WWOX: variants seen among roughly 807,000 people sequenced by gnomAD.
WWOX encodes the protein WW domain containing oxidoreductase.
Under a neutral mutation model 46.2 loss-of-function variants are expected in WWOX, and 69 were observed. The observed-to-expected ratio is 1.49, with a 90% CI of 1.23 to 1.82. WWOX has a LOEUF of 1.82. WWOX is among the 40% of genes most tolerant of loss of function. WWOX has a pLI of 0.00. For synonymous variants in WWOX, 359 were observed against 202.6 expected, an observed-to-expected ratio of 1.77 and a Z score of -6.56; for missense variants, 919 against 542.6, an observed-to-expected ratio of 1.69 and a Z score of -6.89.
chr16:78,442,325 A>G (rs191941485), intron 8 of WWOX, among the ~76,000 whole-genome samples: 299 of 152,130 alleles, frequency 2.0e-3, no homozygotes, highest in African/African-American at 6.7e-3. Flanking sequence ...ATAATACGTT[A>G]TTATTATTAC....
intron 8 of WWOX, among the ~76,000 whole-genome samples, chr16:78,758,218 A>G (rs1411890172): frequency 2.0e-5 from 3 of 152,222 alleles, no homozygotes; most frequent in Non-Finnish European, 4.4e-5. Context: ...AAACCTATAT[A>G]CAAAGAAAAT....
At chr16:79,141,071 G>A (rs1390744419) in intron 8 of WWOX, among the ~76,000 whole-genome samples, 1 of 152,184 alleles carries the variant, frequency 6.6e-6, no homozygotes, top group Non-Finnish European at 1.5e-5. Flanking sequence ...GTCAAGCTGG[G>A]AACTGCTTAG....
At chr16:79,001,577 T>G (rs528730785) in intron 8 of WWOX, among the ~76,000 whole-genome samples, 15 of 152,200 alleles carry the variant, frequency 9.9e-5, no homozygotes, top group African/African-American at 3.6e-4. Context: ...TTTAAACAAG[T>G]TTTGCCCCTT....
Position 79,158,896 on chromosome 16 carries a change from G to A in WWOX, c.1057-52712G>A, listed in dbSNP as rs576588179. On this transcript the variant is annotated intron_variant, in intron 8 of 8. Coordinates refer to ENST00000566780, the MANE Select transcript of WWOX (RefSeq NM_016373.4). ...AAGGACCTAGGTCATTTTCACTGCT[G>A]TAGTCCCAGTTCCTACAACAGTGCC... is the stretch of plus-strand genomic sequence containing the variant. Among the ~76,000 whole-genome samples, 8 of 152,298 alleles carry A rather than the reference G, an allele frequency of 5.3e-5. No individual in the cohort carries two copies. In the South Asian group the frequency reaches 8.3e-4, roughly 16 times the overall value.
chr16:78,466,250 C>G (rs182990997), intron 8 of WWOX, among the ~76,000 whole-genome samples: 21 of 152,174 alleles, frequency 1.4e-4, no homozygotes, highest in African/African-American at 5.1e-4. Context: ...CCAGGATGGT[C>G]TCGATCTCCT....
intron 5 of WWOX, among the ~76,000 whole-genome samples, chr16:78,204,699 C>T (rs765725812): frequency 1.3e-5 from 2 of 152,242 alleles, no homozygotes; most frequent in South Asian, 4.1e-4. Flanking sequence ...CATGGGACTG[C>T]ACAATCGGAG....
chr16:78,137,042 C>T (rs1445694117), intron 4 of WWOX, among the ~76,000 whole-genome samples: 1 of 152,116 alleles, frequency 6.6e-6, no homozygotes, highest in Non-Finnish European at 1.5e-5. Context: ...CATTCACATA[C>T]CATTCACAAC....
At chr16:79,087,001 G>A (rs2048865638) in intron 8 of WWOX, among the ~76,000 whole-genome samples, 1 of 152,222 alleles carries the variant, frequency 6.6e-6, no homozygotes, top group Non-Finnish European at 1.5e-5. Context: ...GAGAGAGGCA[G>A]CCTAGGGAAT....
chr16:78,617,213 A>T (rs1211815496), intron 8 of WWOX, among the ~76,000 whole-genome samples: 1 of 152,090 alleles, frequency 6.6e-6, no homozygotes, highest in East Asian at 1.9e-4. Flanking sequence ...GGAGTTGAAG[A>T]CCAGCCTGGG....
At chr16:78,389,921 T>C (rs1309142993) in intron 6 of WWOX, among the ~76,000 whole-genome samples, 1 of 152,134 alleles carries the variant, frequency 6.6e-6, no homozygotes, top group Non-Finnish European at 1.5e-5. Flanking sequence ...AGCTAATTTT[T>C]GTATTTTCTG....
rs570504109 is a variant in WWOX, at chr16:78,470,581, G to C, written c.1056+37829G>C. Among the ~76,000 whole-genome samples, 9 of 152,226 alleles carry C rather than the reference G, an allele frequency of 5.9e-5. 1 individual carries two copies. The South Asian group carries it at 1.9e-3, about 32-fold the overall frequency. Reference sequence around the variant, plus strand: ...ATCTTGCTCTGTCGCCCAGGCTGGAGTGCAATGGCACCATCTTGACTTACT... The same window carrying C: ...ATCTTGCTCTGTCGCCCAGGCTGGACTGCAATGGCACCATCTTGACTTACT... On this transcript the variant is annotated intron_variant, in intron 8 of 8. Transcript: ENST00000566780.
At chr16:78,454,581 C>T (rs1194306171) in intron 8 of WWOX, among the ~76,000 whole-genome samples, 1 of 152,196 alleles carries the variant, frequency 6.6e-6, no homozygotes, top group Non-Finnish European at 1.5e-5. Context: ...TCTCTGCTGA[C>T]CCCAAGCTCC....
intron 8 of WWOX, among the ~76,000 whole-genome samples, chr16:78,737,064 G>T (rs2049108976): frequency 6.6e-6 from 1 of 151,736 alleles, no homozygotes; most frequent in Non-Finnish European, 1.5e-5. Context: ...TATTTTTTTG[G>T]TCGTTCCTTG....
chr16:78,811,653 G>A (rs1013174351), intron 8 of WWOX, among the ~76,000 whole-genome samples: 16 of 152,080 alleles, frequency 1.1e-4, no homozygotes, highest in African/African-American at 2.9e-4. Context: ...TTACAGGCAT[G>A]AGCCATCATG....
chr16:79,088,074 G>A (rs1022812456), intron 8 of WWOX, among the ~76,000 whole-genome samples: 1 of 152,128 alleles, frequency 6.6e-6, no homozygotes, highest in Non-Finnish European at 1.5e-5. Flanking sequence ...TGAGCCCTCT[G>A]TATAGTGTGA....
At chr16:78,463,152 A>G (rs1243687877) in intron 8 of WWOX, among the ~76,000 whole-genome samples, 2 of 152,220 alleles carry the variant, frequency 1.3e-5, no homozygotes, top group African/African-American at 2.4e-5. Flanking sequence ...TTGGCATGCC[A>G]GAGTGAAAAC....
intron 8 of WWOX, among the ~76,000 whole-genome samples, chr16:78,917,279 A>G (rs1260398697): frequency 6.6e-6 from 1 of 152,168 alleles, no homozygotes; most frequent in Non-Finnish European, 1.5e-5. Flanking sequence ...TGGTTCCCCT[A>G]ACTCAAATCA....
At chr16:78,594,635 C>T (rs2045440603) in intron 8 of WWOX, among the ~76,000 whole-genome samples, 2 of 152,056 alleles carry the variant, frequency 1.3e-5, no homozygotes, top group South Asian at 4.1e-4. Flanking sequence ...ATGATAGCCC[C>T]AGTGCAGTGG....
intron 8 of WWOX, among the ~76,000 whole-genome samples, chr16:78,930,108 G>A (rs146156538): frequency 2.0e-5 from 3 of 151,984 alleles, no homozygotes; most frequent in East Asian, 1.9e-4. Flanking sequence ...CCTTCCTGCC[G>A]TCTGGGATGT....
Sources: gnomAD v4.1 joint callset for allele counts (sites outside exome capture counted in the v4.1 genomes callset) on GRCh38, gnomAD v4.1.1 for gene constraint, MANE v1.5 for transcripts, NCBI Gene and HGNC (gene_info 2026-07-23, HGNC 2026-07-21) for gene names.